ALDH9A1: variants seen among roughly 807,000 people sequenced by gnomAD.
ALDH9A1 encodes aldehyde dehydrogenase 9 family member A1, also known as 4-trimethylaminobutyraldehyde dehydrogenase.
ALDH9A1 carries 42 observed loss-of-function variants against 56.6 expected under a neutral mutation model. That is an observed-to-expected ratio of 0.74 (90% CI 0.58 to 0.96). ALDH9A1 has a LOEUF of 0.96. Ranked by LOEUF, ALDH9A1 falls within the 40% of genes least tolerant of loss-of-function variation. The probability of loss-of-function intolerance (pLI) is 0.00; values close to 1 mark genes in which losing one functional copy is unlikely to be tolerated. For missense variants in ALDH9A1, 661 were observed against 651.5 expected (o/e 1.01, Z -0.16); for synonymous variants, 242 against 236.0 (o/e 1.03, Z -0.23).
intron 2 of ALDH9A1, among the ~76,000 whole-genome samples, chr1:165,692,697 A>G (rs1365825353): frequency 6.6e-6 from 1 of 151,320 alleles, no homozygotes; most frequent in Non-Finnish European, 1.5e-5. Flanking sequence ...CTTTCTTCAC[A>G]GAATTGGAAA....
chr1:165,676,154 A>G (rs555551850), intron 6 of ALDH9A1, among the ~76,000 whole-genome samples: 6 of 152,290 alleles, frequency 3.9e-5, no homozygotes, highest in East Asian at 1.9e-4. Context: ...ACAAACATGT[A>G]TTTCCCAGCA....
intron 2 of ALDH9A1, among the ~76,000 whole-genome samples, chr1:165,689,337 C>T (rs1649809027): frequency 6.6e-6 from 1 of 152,150 alleles, no homozygotes; most frequent in African/African-American, 2.4e-5. Context: ...ATAAAGAAAT[C>T]TGGAGAAATT....
chr1:165,671,852 A>AT (rs1278954685), intron 6 of ALDH9A1: 1 of 199,324 alleles, frequency 5.0e-6, no homozygotes, highest in East Asian at 1.7e-4. Context: ...TATGCAGTCA[A>AT]TATCACTAAT....
At chr1:165,691,813 A>T (rs1420638901) in intron 2 of ALDH9A1, among the ~76,000 whole-genome samples, 1 of 152,192 alleles carries the variant, frequency 6.6e-6, no homozygotes, top group Non-Finnish European at 1.5e-5. Context: ...TCGATGCAAA[A>T]ATCCTCAATA....
rs150946076 is a variant in ALDH9A1 at position 165,696,799 on chromosome 1, T to C, written c.182-1402A>G. Among the ~76,000 whole-genome samples, 249 of 152,360 alleles carry C rather than the reference T, an allele frequency of 1.6e-3. 3 individuals carry two copies. Among genetic ancestry groups the C allele is most frequent in the African/African-American group, 5.8e-3 (241 of 41,586 alleles). On this transcript the variant is annotated intron_variant, in intron 1 of 10. Coordinates refer to ENST00000354775, the MANE Select transcript of ALDH9A1 (RefSeq NM_000696.4). Reference sequence around the variant, plus strand: ...CTGCAATTTCTGTTACAAACTTGAATAGCCAGCTGGTAAAGGCGGTGGCTG... The same window carrying C: ...CTGCAATTTCTGTTACAAACTTGAACAGCCAGCTGGTAAAGGCGGTGGCTG...
At position 165,698,479 on chromosome 1, in the gene ALDH9A1, G is replaced by C. The variant is rs1650170801; in HGVS notation, c.80C>G (p.Thr27Ser). Residue 27 changes from threonine to serine, a missense_variant, in exon 1 of 11, where the codon ACT becomes AGT. By Grantham distance (58) the Thr-to-Ser change is moderately conservative. Transcript: ENST00000354775. The part of the protein sequence containing the change: ...LRPSPVAAMS[T>S]GTFVVSQPLN... Reference sequence around the variant, plus strand: ...CGGCTGCGACACGACGAAGGTGCCAGTGCTCATGGCGGCGACAGGAGAGGG... The same window carrying C: ...CGGCTGCGACACGACGAAGGTGCCACTGCTCATGGCGGCGACAGGAGAGGG... 1 of 1,608,900 alleles carries C rather than the reference G, an allele frequency of 6.2e-7. No homozygotes were observed. The highest frequency in any genetic ancestry group is 8.5e-7 in the Non-Finnish European group (1 of 1,177,992).
chr1:165,681,685 T>C (rs1240748154), intron 4 of ALDH9A1, among the ~76,000 whole-genome samples: 2 of 152,180 alleles, frequency 1.3e-5, no homozygotes, highest in African/African-American at 4.8e-5. Flanking sequence ...AAAGCCTTGC[T>C]TATCATTTCT....
intron 10 of ALDH9A1, among the ~76,000 whole-genome samples, chr1:165,664,814 A>G (rs552793560): frequency 2.0e-5 from 3 of 152,340 alleles, no homozygotes; most frequent in African/African-American, 7.2e-5. Flanking sequence ...ACCCTCCAGA[A>G]AGATTTAGGG....
chr1:165,667,712 T>C (rs1489768586), intron 8 of ALDH9A1, among the ~76,000 whole-genome samples: 1 of 152,150 alleles, frequency 6.6e-6, no homozygotes, highest in Non-Finnish European at 1.5e-5. Flanking sequence ...ACCTAATTCA[T>C]GGGGGATGGA....
At chr1:165,666,850 A>T (rs1242480976) in intron 9 of ALDH9A1, among the ~76,000 whole-genome samples, 2 of 152,198 alleles carry the variant, frequency 1.3e-5, no homozygotes, top group African/African-American at 2.4e-5. Context: ...TATTAATCAT[A>T]TTACTATAAT....
intron 1 of ALDH9A1, among the ~76,000 whole-genome samples, chr1:165,698,059 AAAAC>A (rs1250256628): frequency 6.6e-6 from 1 of 151,834 alleles, no homozygotes; most frequent in East Asian, 1.9e-4. Flanking sequence ...ACAAACAAAC[AAAAC>A]AAACAAAAAA....
chr1:165,680,955 T>G (rs556333972), intron 4 of ALDH9A1, among the ~76,000 whole-genome samples: 18 of 152,328 alleles, frequency 1.2e-4, no homozygotes, highest in Non-Finnish European at 1.5e-4. Context: ...TGAAAGTCAC[T>G]TCTTACATTG....
At chr1:165,669,794 A>T (rs564706265) in intron 6 of ALDH9A1, among the ~76,000 whole-genome samples, 2 of 152,160 alleles carry the variant, frequency 1.3e-5, no homozygotes, top group Non-Finnish European at 2.9e-5. Flanking sequence ...TTAAGAATGG[A>T]AGGGAACTTA....
Position 165,663,156 on chromosome 1 carries a change from A to C in ALDH9A1, c.1463-12T>G, listed in dbSNP as rs746616345. ...CTCTCTGCCAAATCCTGAAAGGAGG[A>C]GAAGGGGTCAGGTTGAGCCATCACT... On this transcript the variant is annotated splice_polypyrimidine_tract_variant and intron_variant, in intron 10 of 10. Coordinates refer to ENST00000354775, the MANE Select transcript of ALDH9A1 (RefSeq NM_000696.4). 6 of 1,608,802 alleles carry C rather than the reference A, an allele frequency of 3.7e-6. No homozygotes were observed. Among genetic ancestry groups the C allele is most frequent in the Admixed American group, 1.7e-5 (1 of 59,968 alleles).
At chr1:165,665,378 C>T (rs544515819) in intron 9 of ALDH9A1, among the ~76,000 whole-genome samples, 1 of 152,266 alleles carries the variant, frequency 6.6e-6, no homozygotes, top group East Asian at 1.9e-4. Flanking sequence ...GAAAAACAGT[C>T]TTTTTAACAA....
At chr1:165,695,743 G>A (rs1319850752) in intron 1 of ALDH9A1, among the ~76,000 whole-genome samples, 2 of 151,908 alleles carry the variant, frequency 1.3e-5, no homozygotes, top group Non-Finnish European at 2.9e-5. Flanking sequence ...TGACCCACCC[G>A]CCTCAGCCTC....
chr1:165,687,781 A>G (rs1316691359), intron 2 of ALDH9A1, among the ~76,000 whole-genome samples: 1 of 152,122 alleles, frequency 6.6e-6, no homozygotes, highest in East Asian at 1.9e-4. Flanking sequence ...GGAGGTCAGC[A>G]GTTTGAGACC....
At chr1:165,680,234 C>T (rs548149763) in intron 5 of ALDH9A1, among the ~76,000 whole-genome samples, 11 of 148,736 alleles carry the variant, frequency 7.4e-5, no homozygotes, top group African/African-American at 2.7e-4. Flanking sequence ...CACTAAGACA[C>T]ATCCTCTCCT....
rs76051990 is a variant in ALDH9A1, at chr1:165,670,086, C to T, written c.931-636G>A. Among the ~76,000 whole-genome samples, 766 of 152,232 alleles carry T rather than the reference C, an allele frequency of 5.0e-3. 6 individuals carry two copies. Among genetic ancestry groups the T allele is most frequent in the African/African-American group, 0.018 (734 of 41,536 alleles). On this transcript the variant is annotated intron_variant, in intron 6 of 10. Coordinates refer to ENST00000354775, the MANE Select transcript of ALDH9A1 (RefSeq NM_000696.4). ...AATGTGGAAAACATAAAATAAGATA[C>T]ATATCTTACATCACATATAAAAATA...
Sources: gnomAD v4.1 joint callset for allele counts (sites outside exome capture counted in the v4.1 genomes callset) on GRCh38, gnomAD v4.1.1 for gene constraint, MANE v1.5 for transcripts, NCBI Gene and HGNC (gene_info 2026-07-23, HGNC 2026-07-21) for gene names.